Variants in IL5RA observed in about 807,000 individuals in gnomAD.
IL5RA encodes interleukin 5 receptor subunit alpha.
In IL5RA, 49 loss-of-function variants were observed where a neutral mutation model predicts 50.0. The observed-to-expected ratio is 0.98, with a 90% CI of 0.78 to 1.24. The LOEUF (loss-of-function observed/expected upper bound fraction) is 1.24, where lower values mean the gene tolerates loss of function less well. Ranked by LOEUF, IL5RA falls within the 50% of genes most tolerant of loss-of-function variation. IL5RA has a pLI of 0.00. For missense variants in IL5RA, 600 were observed against 500.4 expected, an observed-to-expected ratio of 1.20 and a Z score of -1.90; for synonymous variants, 202 against 174.0, an observed-to-expected ratio of 1.16 and a Z score of -1.26.
intron 2 of IL5RA, among the ~76,000 whole-genome samples, chr3:3,107,254 T>TC (rs536285944): frequency 7.2e-5 from 11 of 151,848 alleles, no homozygotes; most frequent in African/African-American, 1.2e-4. Context: ...ATGACATTTT[T>TC]TTTTTTTTGT....
At chr3:3,071,766 T>G (rs1702308547) in intron 11 of IL5RA, among the ~76,000 whole-genome samples, 1 of 152,150 alleles carries the variant, frequency 6.6e-6, no homozygotes, top group Non-Finnish European at 1.5e-5. Flanking sequence ...ATTTTTGTAT[T>G]TTTTGCAGAG....
At position 3,069,924 on chromosome 3, in the gene IL5RA, G is replaced by A; in HGVS notation, c.*301C>T. 1 of 249,110 alleles carries A rather than the reference G, an allele frequency of 4.0e-6. No homozygotes were observed. The highest frequency in any genetic ancestry group is 7.6e-6 in the Non-Finnish European group (1 of 131,534). 15.4% of individuals were successfully genotyped at this position (249,110 alleles called of 1,614,324 possible). ...TGTCTGTTGTGAATGAAAAGTCTGAGGTGAGTCAAGCAAATTGCAAAGATT... is the reference window on the plus strand; with the variant it reads ...TGTCTGTTGTGAATGAAAAGTCTGAAGTGAGTCAAGCAAATTGCAAAGATT... On this transcript the variant is annotated 3_prime_UTR_variant, in exon 12 of 12. Transcript: ENST00000446632.
In IL5RA at chr3:3,090,715, C is replaced by T. The variant is rs990482703; in HGVS notation, c.994+1509G>A. Among the ~76,000 whole-genome samples the T allele has an allele frequency of 8.0e-4, 121 of 151,636 alleles. 1 individual carries two copies. The highest frequency in any genetic ancestry group is 1.3e-3 in the Non-Finnish European group (85 of 67,894). On this transcript the variant is annotated intron_variant, in intron 9 of 11. Coordinates refer to ENST00000446632, the MANE Select transcript of IL5RA (RefSeq NM_175726.4). ...CCGAGTAGCTGGGACTACAGGCGCC[C>T]GCCACCACGCCCGGCTAATTTTTTG... is the stretch of plus-strand genomic sequence containing the variant.
rs778731021 is a variant in IL5RA, at chr3:3,102,836, A to T, written c.83-16T>A. The T allele has an allele frequency of 6.3e-7, 1 of 1,590,420 alleles. No homozygotes were observed. Among genetic ancestry groups the T allele is most frequent in the Non-Finnish European group, 8.5e-7 (1 of 1,171,222 alleles). ...AGAAGTGAAACTGTTGATTCAAAGAATAAAGAAACAACACAATGTTCAACT... is the reference window on the plus strand; with the variant it reads ...AGAAGTGAAACTGTTGATTCAAAGATTAAAGAAACAACACAATGTTCAACT... On this transcript the variant is annotated splice_polypyrimidine_tract_variant and intron_variant, in intron 3 of 11. Coordinates refer to ENST00000446632, the MANE Select transcript of IL5RA (RefSeq NM_175726.4).
chr3:3,095,471 A>ATT (rs11389765), intron 7 of IL5RA, 27 bp from the exon 8 acceptor site: 38,988 of 1,266,080 alleles, frequency 0.031, 336 homozygotes, highest in African/African-American at 0.11. Flanking sequence ...AAGATCAGTG[A>ATT]TTTTTTTTTT....
chr3:3,103,045 G>T, intron 3 of IL5RA: 2 of 352,060 alleles, frequency 5.7e-6, no homozygotes, highest in Non-Finnish European at 1.0e-5. Flanking sequence ...GGGCTAATGT[G>T]GGTTTTTTGG....
In IL5RA at chr3:3,104,904, CT is replaced by C; in HGVS notation, c.80del (p.Lys27ArgfsTer37). The C allele has an allele frequency of 6.3e-7, 1 of 1,590,736 alleles. No individual in the cohort carries two copies. The highest frequency in any genetic ancestry group is 8.6e-7 in the Non-Finnish European group (1 of 1,159,132). On this transcript the variant is annotated frameshift_variant and splice_region_variant, in exon 3 of 12. Transcript: ENST00000446632. LOFTEE classifies it high-confidence loss of function. Reference protein sequence around the residue: ...ILQADLLPDEKISLLPPVNFT... With the variant: ...ILQADLLPDEXISLLPPVNFT... ...TTGAATTGAATAGAAGGTCCTTACT[CT>C]TTTCATCAGGAAGTAAGTCAGCTTG...
chr3:3,082,172 C>T (rs1702690533), intron 9 of IL5RA, among the ~76,000 whole-genome samples: 1 of 152,162 alleles, frequency 6.6e-6, no homozygotes, highest in Non-Finnish European at 1.5e-5. Flanking sequence ...AGTATACATT[C>T]TTTGGGTCAA....
intron 9 of IL5RA, among the ~76,000 whole-genome samples, chr3:3,080,647 C>G (rs564564200): frequency 4.6e-5 from 7 of 152,286 alleles, no homozygotes; most frequent in African/African-American, 1.2e-4. Context: ...TGACATTCCC[C>G]AAACTCTAGG....
chr3:3,070,071 G>C lies in IL5RA; in HGVS notation c.*154C>G, dbSNP rs1702246360. The stretch of plus-strand genomic sequence containing the variant: ...GGATGAAGCATCCATACTTTTAAGA[G>C]ATACAAGACTGGTGTGTCTGGGTGT... On this transcript the variant is annotated 3_prime_UTR_variant, in exon 12 of 12. Transcript: ENST00000446632. 1 of 601,174 alleles carries C rather than the reference G, an allele frequency of 1.7e-6. No homozygotes were observed. Among genetic ancestry groups the C allele is most frequent in the South Asian group, 2.4e-5 (1 of 42,366 alleles). 37.2% of individuals were successfully genotyped at this position (601,174 alleles called of 1,614,324 possible).
At chr3:3,090,337 A>C in intron 9 of IL5RA, 2 of 997,628 alleles carry the variant, frequency 2.0e-6, no homozygotes, top group Non-Finnish European at 3.0e-6. Flanking sequence ...TGGGCTTTCT[A>C]TGTAAGGCTC....
chr3:3,074,409 C>G (rs1251800759), intron 11 of IL5RA, among the ~76,000 whole-genome samples: 1 of 152,170 alleles, frequency 6.6e-6, no homozygotes, highest in Non-Finnish European at 1.5e-5. Flanking sequence ...TTAAGTCTAA[C>G]TGTCAAGAAC....
intron 3 of IL5RA, among the ~76,000 whole-genome samples, chr3:3,103,892 A>G (rs1018082920): frequency 5.9e-5 from 9 of 152,194 alleles, no homozygotes; most frequent in Non-Finnish European, 7.3e-5. Context: ...TTCATTTACT[A>G]AGTTATCAGG....
chr3:3,071,710 C>G (rs750122076), intron 11 of IL5RA, among the ~76,000 whole-genome samples: 1 of 152,000 alleles, frequency 6.6e-6, no homozygotes, highest in Admixed American at 6.6e-5. Flanking sequence ...CCACCTCAGC[C>G]TCCCGAGTAT....
chr3:3,072,065 A>T (rs1386745387), intron 11 of IL5RA, among the ~76,000 whole-genome samples: 2 of 152,234 alleles, frequency 1.3e-5, no homozygotes, highest in African/African-American at 2.4e-5. Context: ...CCCAGTGGCC[A>T]CTGCCCATAG....
In IL5RA at chr3:3,068,582, C is replaced by A. The variant is rs1304399839; in HGVS notation, c.*1643G>T. Reference sequence around the variant, plus strand: ...AGAACAAGACTGTCTCCACCACCCACCCCACAAAAAAAAAAAAAAAAAAAA... The same window carrying A: ...AGAACAAGACTGTCTCCACCACCCAACCCACAAAAAAAAAAAAAAAAAAAA... On this transcript the variant is annotated 3_prime_UTR_variant, in exon 12 of 12. Coordinates refer to ENST00000446632, the MANE Select transcript of IL5RA (RefSeq NM_175726.4). 1 of 87,864 alleles carries A rather than the reference C, an allele frequency of 1.1e-5. No individual in the cohort carries two copies. The highest frequency in any genetic ancestry group is 9.1e-5 in the African/African-American group (1 of 11,042). The allele number at this position is 87,864 out of a possible 1,614,324, so 5.4% of individuals were successfully genotyped here.
intron 11 of IL5RA, among the ~76,000 whole-genome samples, chr3:3,073,215 T>G (rs955009598): frequency 5.3e-5 from 8 of 152,338 alleles, no homozygotes; most frequent in African/African-American, 1.9e-4. Flanking sequence ...CACCACTTAT[T>G]GAAATTAATC....
intron 9 of IL5RA, among the ~76,000 whole-genome samples, chr3:3,085,685 G>T (rs1315249527): frequency 6.6e-6 from 1 of 152,112 alleles, no homozygotes; most frequent in East Asian, 1.9e-4. Context: ...AAAGAAAAAG[G>T]CACAGGAGTT....
Position 3,101,817 on chromosome 3 carries a change from A to T in IL5RA, c.242T>A (p.Ile81Asn), listed in dbSNP as rs1303878978. Residue 81 changes from isoleucine (I) to asparagine (N), a missense_variant, in exon 5 of 12, where the codon ATC (isoleucine) becomes AAC (asparagine). Ile to Asn is a moderately radical substitution (Grantham distance 149). Coordinates refer to ENST00000446632, the MANE Select transcript of IL5RA (RefSeq NM_175726.4). ...APKEDDYETRITESKCVTILH... is the reference protein window; with the variant it reads ...APKEDDYETRNTESKCVTILH... ...GATGGTTACACATTTGCTTTCAGTG[A>T]TTCTGGTTTCATACTAAAAATAAAA... 2 of 1,613,826 alleles carry T rather than the reference A, an allele frequency of 1.2e-6. No individual in the cohort carries two copies. The highest frequency in any genetic ancestry group is 1.7e-6 in the Non-Finnish European group (2 of 1,179,940).
Sources: gnomAD v4.1 joint callset for allele counts (sites outside exome capture counted in the v4.1 genomes callset) on GRCh38, gnomAD v4.1.1 for gene constraint, MANE v1.5 for transcripts, NCBI Gene and HGNC (gene_info 2026-07-23, HGNC 2026-07-21) for gene names.